Variants in CCDC30 observed in about 807,000 individuals in gnomAD.
The protein encoded by CCDC30 is coiled-coil domain containing 30.
A neutral mutation model predicts 100.2 loss-of-function variants in CCDC30; 70 were observed. That is an observed-to-expected ratio of 0.70 (90% confidence interval 0.58 to 0.85). The LOEUF is 0.85. Ranked by LOEUF, CCDC30 falls within the 40% of genes least tolerant of loss-of-function variation. The probability of loss-of-function intolerance (pLI) is 0.00; values close to 1 mark genes in which losing one functional copy is unlikely to be tolerated. For synonymous variants in CCDC30, 233 were observed against 269.5 expected (o/e 0.86, Z 1.33); for missense variants, 652 against 771.2 (o/e 0.85, Z 1.83).
intron 6 of CCDC30, among the ~76,000 whole-genome samples, chr1:42,530,777 C>T (rs1022038341): frequency 4.6e-5 from 7 of 151,700 alleles, no homozygotes; most frequent in African/African-American, 1.7e-4. Context: ...AATACTATAC[C>T]ATCTTATATG....
intron 6 of CCDC30, among the ~76,000 whole-genome samples, chr1:42,527,391 A>G (rs1644738245): frequency 6.6e-6 from 1 of 152,164 alleles, no homozygotes; most frequent in South Asian, 2.1e-4. Flanking sequence ...GCTCTTATCA[A>G]CTACATTGTG....
At chr1:42,589,369 C>A in exon 10 of CCDC30, 1 of 1,613,442 alleles carries the variant, frequency 6.2e-7, no homozygotes, top group Non-Finnish European at 8.5e-7. Context: ...AAGTGAGAAC[C>A]TTACAAGATA....
chr1:42,600,242 G>T (rs143387224), intron 10 of CCDC30, among the ~76,000 whole-genome samples: 512 of 152,178 alleles, frequency 3.4e-3, no homozygotes, highest in African/African-American at 0.012. Context: ...TCTCCAAGAA[G>T]AAAAAACAAT....
chr1:42,616,908 C>T (rs1646737261), intron 11 of CCDC30, among the ~76,000 whole-genome samples: 1 of 152,140 alleles, frequency 6.6e-6, no homozygotes, highest in South Asian at 2.1e-4. Context: ...AAGTATAATA[C>T]AGTCACTTAA....
chr1:42,497,992 T>C (rs1050905156), intron 5 of CCDC30, among the ~76,000 whole-genome samples: 1 of 152,210 alleles, frequency 6.6e-6, no homozygotes, highest in Non-Finnish European at 1.5e-5. Flanking sequence ...ATAGTAGCAT[T>C]ATTCACAATA....
At chr1:42,476,943 C>T (rs1304856268) in intron 1 of CCDC30, among the ~76,000 whole-genome samples, 8 of 145,940 alleles carry the variant, frequency 5.5e-5, no homozygotes, top group Non-Finnish European at 9.0e-5. Flanking sequence ...AATTATAGGA[C>T]ATATTACTGT....
rs551098389 is a variant in CCDC30, at chr1:42,520,776, G to T, written c.456+21860G>T. The stretch of plus-strand genomic sequence containing the variant: ...CTGCCTCAGCCTCCCGGGTAGCTGG[G>T]ACTACAGGCACCTGCCACCACACCC... On this transcript the variant is annotated intron_variant, in intron 6 of 16. Transcript: ENST00000668663. Among the ~76,000 whole-genome samples the T allele has an allele frequency of 4.0e-5, 6 of 150,676 alleles. No individual in the cohort carries two copies. In the South Asian group the frequency reaches 8.4e-4, roughly 21 times the overall value.
exon 6 of CCDC30, chr1:42,498,824 A>G: frequency 8.1e-7 from 1 of 1,232,682 alleles, no homozygotes; most frequent in Non-Finnish European, 1.0e-6. Context: ...TAAGGTTGAA[A>G]GACTTAAAGG....
At chr1:42,545,174 A>AT (rs1290784048) in intron 6 of CCDC30, among the ~76,000 whole-genome samples, 9 of 102,296 alleles carry the variant, frequency 8.8e-5, no homozygotes, top group Non-Finnish European at 1.7e-4. Flanking sequence ...AAAAAAAAAA[A>AT]AAAAAAAAAA....
intron 11 of CCDC30, among the ~76,000 whole-genome samples, chr1:42,629,723 C>G (rs906549445): frequency 2.0e-5 from 3 of 151,976 alleles, no homozygotes; most frequent in African/African-American, 7.3e-5. Flanking sequence ...CCTCTGCCTC[C>G]CGGGTTCAAG....
chr1:42,600,012 A>C (rs1157114022), intron 10 of CCDC30, among the ~76,000 whole-genome samples: 2 of 152,122 alleles, frequency 1.3e-5, no homozygotes, highest in African/African-American at 4.8e-5. Flanking sequence ...ACTTTCGAAC[A>C]ACTGGATCTT....
intron 1 of CCDC30, among the ~76,000 whole-genome samples, chr1:42,465,861 C>T (rs889340446): frequency 1.3e-5 from 2 of 152,144 alleles, no homozygotes; most frequent in Admixed American, 6.5e-5. Flanking sequence ...TCAGTAGTGC[C>T]AGGGTTGAGA....
chr1:42,539,459 A>G (rs1644971487), intron 6 of CCDC30, 149 bp downstream of exon 8: 1 of 561,948 alleles, frequency 1.8e-6, no homozygotes, highest in African/African-American at 1.9e-5. Context: ...ACTGCCATAT[A>G]CTGTGGATTA....
intron 11 of CCDC30, among the ~76,000 whole-genome samples, chr1:42,626,981 A>G (rs1249375907): frequency 6.6e-6 from 1 of 152,198 alleles, no homozygotes; most frequent in African/African-American, 2.4e-5. Context: ...AAAATTTGGA[A>G]GCGACTTTGG....
At chr1:42,642,246 A>ATAT (rs1017591065) in intron 12 of CCDC30, among the ~76,000 whole-genome samples, 28 of 148,402 alleles carry the variant, frequency 1.9e-4, no homozygotes, top group African/African-American at 6.7e-4. Flanking sequence ...CAAACAAAAA[A>ATAT]ATATATATAT....
At chr1:42,627,905 C>T (rs1646962630) in intron 11 of CCDC30, among the ~76,000 whole-genome samples, 1 of 152,204 alleles carries the variant, frequency 6.6e-6, no homozygotes, top group South Asian at 2.1e-4. Context: ...GTTGGAGCCT[C>T]CACACAGAGT....
intron 6 of CCDC30, chr1:42,556,266 T>A: frequency 6.2e-7 from 1 of 1,613,934 alleles, no homozygotes. Flanking sequence ...AATCGAGATA[T>A]GAAAGATGAA....
chr1:42,611,771 G>T (rs1338050292), intron 11 of CCDC30, among the ~76,000 whole-genome samples: 1 of 151,986 alleles, frequency 6.6e-6, no homozygotes, highest in Non-Finnish European at 1.5e-5. Context: ...CAACCTCCTG[G>T]GCTCAAGTGA....
intron 11 of CCDC30, among the ~76,000 whole-genome samples, chr1:42,636,965 C>CAA (rs1166253995): frequency 0.19 from 5,476 of 29,416 alleles, 1,306 homozygotes; most frequent in Non-Finnish European, 0.22. Flanking sequence ...GACTCCATCT[C>CAA]AAAAAAAAAA....
Sources: allele counts gnomAD v4.1 joint callset (sites outside exome capture counted in the v4.1 genomes callset), GRCh38; gene constraint gnomAD v4.1.1; transcripts MANE v1.5; gene names NCBI Gene and HGNC (gene_info 2026-07-23, HGNC 2026-07-21).